The following GPHN variants were observed in gnomAD, a reference collection of about 807,000 sequenced individuals.
GPHN encodes gephyrin.
A neutral mutation model predicts 95.5 loss-of-function variants in GPHN; 17 were observed. That is an observed-to-expected ratio of 0.18 (90% CI 0.12 to 0.27). GPHN has a LOEUF of 0.27. Among genes scored for constraint, GPHN ranks in the 10% least tolerant of loss-of-function variants. GPHN has a pLI of 1.00. For synonymous variants in GPHN, 320 were observed against 322.5 expected, an observed-to-expected ratio of 0.99 and a Z score of 0.08; for missense variants, 660 against 978.1, an observed-to-expected ratio of 0.67 and a Z score of 4.34.
intron 1 of GPHN, among the ~76,000 whole-genome samples, chr14:66,582,009 A>C (rs80095887): frequency 6.6e-6 from 1 of 152,050 alleles, no homozygotes; most frequent in Non-Finnish European, 1.5e-5. Flanking sequence ...TAGAACTTGA[A>C]CTACATCTTA....
chr14:66,842,829 T>C, intron 4 of GPHN: 1 of 762,222 alleles, frequency 1.3e-6, no homozygotes, highest in African/African-American at 1.7e-5. Context: ...ATCTGTTTAA[T>C]TTCCTTGTGG....
the GPHN span, chr14:67,201,385 C>A: frequency 8.1e-4 from 370 of 454,402 alleles, no homozygotes; most frequent in African/African-American, 6.7e-3. Context: ...CAGCTCACTC[C>A]CAGTAGAAGA....
At chr14:66,796,920 C>G (rs1472448067) in intron 3 of GPHN, among the ~76,000 whole-genome samples, 1 of 151,714 alleles carries the variant, frequency 6.6e-6, no homozygotes, top group Non-Finnish European at 1.5e-5. Context: ...GAGAGTTTCC[C>G]CTATGTTTTC....
the GPHN span, chr14:67,279,713 A>G: frequency 1.2e-3 from 627 of 539,254 alleles, 2 homozygotes; most frequent in African/African-American, 0.011. Flanking sequence ...TGTTACCAAC[A>G]TAGAGCTAAA....
chr14:66,587,047 A>G (rs781387865), intron 1 of GPHN, among the ~76,000 whole-genome samples: 4 of 152,246 alleles, frequency 2.6e-5, no homozygotes, highest in Non-Finnish European at 1.5e-5. Flanking sequence ...AAAAAATGAA[A>G]GAGTAGGCAA....
chr14:67,510,640 T>C, the GPHN span, among the ~76,000 whole-genome samples: 1 of 152,192 alleles, frequency 6.6e-6, no homozygotes, highest in South Asian at 2.1e-4. Context: ...TTCTTGTCCA[T>C]GTGTGTTTTA....
At chr14:66,908,706 A>G (rs557756621) in intron 5 of GPHN, among the ~76,000 whole-genome samples, 1 of 152,202 alleles carries the variant, frequency 6.6e-6, no homozygotes, top group East Asian at 1.9e-4. Context: ...ATCAACATTC[A>G]TTAGTCAGAT....
chr14:67,055,692 G>A (rs1040511994), intron 10 of GPHN, among the ~76,000 whole-genome samples: 1 of 152,232 alleles, frequency 6.6e-6, no homozygotes, highest in African/African-American at 2.4e-5. Context: ...AGAAAATGTG[G>A]TACCTATGTG....
the GPHN span, chr14:67,364,659 A>G: frequency 8.8e-7 from 1 of 1,133,698 alleles, no homozygotes; most frequent in Non-Finnish European, 1.2e-6. Flanking sequence ...AAGACTAATA[A>G]CTATTTTTTT....
intron 3 of GPHN, among the ~76,000 whole-genome samples, chr14:66,807,888 C>T (rs2060610209): frequency 6.6e-6 from 1 of 152,126 alleles, no homozygotes; most frequent in South Asian, 2.1e-4. Flanking sequence ...AGATTTCCAC[C>T]TAATGGACAG....
the GPHN span, chr14:67,579,223 T>C: frequency 1.2e-6 from 2 of 1,611,300 alleles, no homozygotes; most frequent in South Asian, 1.1e-5. Flanking sequence ...CCATCGCGCA[T>C]GGAAGTGGTG....
At chr14:67,236,913 C>A in the GPHN span, among the ~76,000 whole-genome samples, 98 of 151,998 alleles carry the variant, frequency 6.4e-4, 3 homozygotes, top group Admixed American at 1.9e-3. Context: ...CATGGTGAAA[C>A]CCTGTCTCTA....
At chr14:67,568,703 CG>C in the GPHN span, among the ~76,000 whole-genome samples, 1 of 152,078 alleles carries the variant, frequency 6.6e-6, no homozygotes, top group Non-Finnish European at 1.5e-5. Context: ...GTCGTGTGGC[CG>C]CAGTGGCTTC....
At chr14:66,572,865 A>C (rs2060752063) in intron 1 of GPHN, among the ~76,000 whole-genome samples, 1 of 152,130 alleles carries the variant, frequency 6.6e-6, no homozygotes, top group Non-Finnish European at 1.5e-5. Flanking sequence ...TCAACTTTCT[A>C]CTGTTGTGTA....
intron 17 of GPHN, chr14:67,142,984 T>TA: frequency 3.2e-6 from 1 of 309,076 alleles, no homozygotes. Context: ...ACACCTCAGG[T>TA]AACCAATTGT....
At chr14:67,634,269 C>T in the GPHN span, among the ~76,000 whole-genome samples, 863 of 152,052 alleles carry the variant, frequency 5.7e-3, 14 homozygotes, top group Non-Finnish European at 3.6e-3. Flanking sequence ...GGATAACTGC[C>T]ATATATCAAA....
chr14:66,812,970 T>C (rs1947665608), intron 3 of GPHN, among the ~76,000 whole-genome samples: 1 of 152,200 alleles, frequency 6.6e-6, no homozygotes, highest in South Asian at 2.1e-4. Context: ...TAGCTTAGCA[T>C]TTTTTATGGG....
chr14:67,578,301 G>C, the GPHN span: 5 of 1,044,552 alleles, frequency 4.8e-6, no homozygotes, highest in East Asian at 2.4e-5. The surrounding 1 kb of genome is among the most constrained non-coding windows in gnomAD (Gnocchi z 5.0). Flanking sequence ...GGTGAGCCCA[G>C]CCAGCGGGCA....
the GPHN span, among the ~76,000 whole-genome samples, chr14:67,623,716 AT>A: frequency 6.6e-6 from 1 of 151,822 alleles, no homozygotes; most frequent in South Asian, 2.1e-4. Flanking sequence ...TAATTTTTGT[AT>A]TTTTAGTAGA....
Sources: gnomAD v4.1 joint callset for allele counts (sites outside exome capture counted in the v4.1 genomes callset) on GRCh38, gnomAD v4.1.1 for gene constraint, Gnocchi (gnomAD v3.1) non-coding constraint, MANE v1.5 for transcripts, NCBI Gene and HGNC (gene_info 2026-07-23, HGNC 2026-07-21) for gene names.